Variants in DRAM1 observed in about 807,000 individuals in gnomAD.
DRAM1 encodes the protein DNA damage regulated autophagy modulator 1.
A neutral mutation model predicts 28.5 loss-of-function variants in DRAM1; 25 were observed. The observed-to-expected ratio is 0.88, with a 90% CI of 0.64 to 1.23. The LOEUF (loss-of-function observed/expected upper bound fraction) is 1.23. DRAM1 is among the 50% of genes most tolerant of loss of function. The pLI, the probability that DRAM1 is intolerant of heterozygous loss-of-function variation, is 0.00. For missense variants in DRAM1, 249 were observed against 299.2 expected (o/e 0.83, Z 1.24); for synonymous variants, 113 against 114.2 (o/e 0.99, Z 0.07).
intron 4 of DRAM1, among the ~76,000 whole-genome samples, chr12:101,912,835 C>T (rs962461825): frequency 6.6e-6 from 1 of 150,722 alleles, no homozygotes; most frequent in Non-Finnish European, 1.5e-5. Flanking sequence ...TCAAGCGATT[C>T]TCCTGCTTCA....
chr12:101,914,234 T>C lies in DRAM1; in HGVS notation c.579+2T>C. The stretch of plus-strand genomic sequence containing the variant: ...CTGGAGTGGAATCCAAGAGAAAAGG[T>C]AACATTTAAGTTGTTGTGAATGTGG... On this transcript the variant is annotated splice_donor_variant, in intron 5 of 6. Coordinates refer to ENST00000258534, the MANE Select transcript of DRAM1 (RefSeq NM_018370.3). LOFTEE classifies it high-confidence loss of function. 6.2e-7 allele frequency: 1 copy of C among 1,606,812 alleles called. No individual in the cohort carries two copies. The highest frequency in any genetic ancestry group is 8.5e-7 in the Non-Finnish European group (1 of 1,177,206).
intron 1 of DRAM1, among the ~76,000 whole-genome samples, chr12:101,894,780 C>G (rs938680283): frequency 7.9e-5 from 12 of 152,170 alleles, no homozygotes; most frequent in Non-Finnish European, 2.9e-5. Context: ...ATATCCTCCT[C>G]ATTCTTTCAT....
chr12:101,886,422 C>T (rs1441336665), intron 1 of DRAM1, among the ~76,000 whole-genome samples: 1 of 152,164 alleles, frequency 6.6e-6, no homozygotes, highest in Non-Finnish European at 1.5e-5. Flanking sequence ...GGTGGAGGAA[C>T]ATAGTATGTA....
chr12:101,899,398 G>C lies in DRAM1; in HGVS notation c.199+1468G>C, dbSNP rs373803986. ...AAATAGTCTATGTGAGCTCATGCCTGTAATTCTAGCATTTTGGGAGGCTGA... is the reference window on the plus strand; with the variant it reads ...AAATAGTCTATGTGAGCTCATGCCTCTAATTCTAGCATTTTGGGAGGCTGA... On this transcript the variant is annotated intron_variant, in intron 2 of 6. Coordinates refer to ENST00000258534, the MANE Select transcript of DRAM1 (RefSeq NM_018370.3). 1.3e-3 allele frequency among the ~76,000 whole-genome samples: 193 copies of C among 152,294 alleles called. 2 individuals are homozygous for C. In the South Asian group the frequency reaches 0.039, roughly 31 times the overall value.
chr12:101,908,081 C>A (rs1873890455), intron 3 of DRAM1, 105 bp from the exon 4 acceptor site: 4 of 899,188 alleles, frequency 4.4e-6, no homozygotes, highest in Admixed American at 5.3e-5. Context: ...AGAAGTGGTG[C>A]ATCTGTGATG....
intron 1 of DRAM1, among the ~76,000 whole-genome samples, chr12:101,893,371 G>A (rs1399628976): frequency 3.9e-5 from 6 of 152,050 alleles, no homozygotes; most frequent in African/African-American, 9.7e-5. Flanking sequence ...GAATTTTAAC[G>A]TGTTGAGAGT....
chr12:101,880,956 C>G (rs1872666456), intron 1 of DRAM1, among the ~76,000 whole-genome samples: 1 of 152,140 alleles, frequency 6.6e-6, no homozygotes, highest in Non-Finnish European at 1.5e-5. Context: ...TACTGATTGC[C>G]CATGTGTGCC....
In DRAM1 at chr12:101,904,971, T is replaced by C. The variant is rs531922590; in HGVS notation, c.343-3215T>C. On this transcript the variant is annotated intron_variant, in intron 3 of 6. Coordinates refer to ENST00000258534, the MANE Select transcript of DRAM1 (RefSeq NM_018370.3). Reference sequence around the variant, plus strand: ...ATGCAATAGCACAATCATAGCTCACTGTAACCTTGAACGCTTAGACTAAGC... The same window carrying C: ...ATGCAATAGCACAATCATAGCTCACCGTAACCTTGAACGCTTAGACTAAGC... 1.3e-4 allele frequency among the ~76,000 whole-genome samples: 20 copies of C among 152,316 alleles called. No individual in the cohort carries two copies. In the East Asian group the frequency reaches 3.7e-3, roughly 28 times the overall value.
Position 101,884,743 on chromosome 12 carries a change from C to T in DRAM1, c.131+6823C>T, listed in dbSNP as rs1594290889. Among the ~76,000 whole-genome samples the T allele has an allele frequency of 2.6e-5, 4 of 152,168 alleles. No individual in the cohort carries two copies. In the East Asian group the frequency reaches 7.7e-4, roughly 29 times the overall value. On this transcript the variant is annotated intron_variant, in intron 1 of 6. Coordinates refer to ENST00000258534, the MANE Select transcript of DRAM1 (RefSeq NM_018370.3). Reference sequence around the variant, plus strand: ...AAAACTGGGTCACCTAGAATCAAGCCACTTTAAAAGGAGGAACAAAATTGC... The same window carrying T: ...AAAACTGGGTCACCTAGAATCAAGCTACTTTAAAAGGAGGAACAAAATTGC...
In DRAM1 at chr12:101,877,989, G is replaced by A. The variant is rs771872930; in HGVS notation, c.131+69G>A. 2.2e-4 allele frequency: 305 copies of A among 1,365,310 alleles called. No homozygotes were observed. The highest frequency in any genetic ancestry group is 2.7e-4 in the Non-Finnish European group (285 of 1,044,494). 84.6% of individuals were successfully genotyped at this position (1,365,310 alleles called of 1,614,324 possible). A position where few individuals can be genotyped will look rare whatever the true frequency, so the allele number is the denominator to read the frequency against. On this transcript the variant is annotated intron_variant, in intron 1 of 6. Coordinates refer to ENST00000258534, the MANE Select transcript of DRAM1 (RefSeq NM_018370.3). The surrounding 1 kb of genome is among the most constrained non-coding windows in gnomAD (Gnocchi z 4.1). The stretch of plus-strand genomic sequence containing the variant: ...GGACCACAGGGAGCGCTGCCGACGG[G>A]GAGGGAAGGCGTCCGGACCCAGCTT...
chr12:101,907,560 G>A (rs1237655332), intron 3 of DRAM1, among the ~76,000 whole-genome samples: 4 of 151,850 alleles, frequency 2.6e-5, no homozygotes, highest in African/African-American at 7.3e-5. Context: ...CCAACATGGC[G>A]AAACCCCGTC....
intron 3 of DRAM1, among the ~76,000 whole-genome samples, chr12:101,904,417 A>G (rs1594304511): frequency 3.6e-5 from 3 of 83,498 alleles, no homozygotes; most frequent in Admixed American, 1.3e-4. Context: ...TGAGTGATAG[A>G]GCTTTAGGGG....
At chr12:101,911,849 G>A (rs988611954) in intron 4 of DRAM1, among the ~76,000 whole-genome samples, 2 of 152,050 alleles carry the variant, frequency 1.3e-5, no homozygotes, top group Admixed American at 1.3e-4. Flanking sequence ...GATATGTTTT[G>A]CATATTATGT....
intron 2 of DRAM1, among the ~76,000 whole-genome samples, chr12:101,900,267 G>A (rs1873549560): frequency 6.6e-6 from 1 of 152,062 alleles, no homozygotes; most frequent in South Asian, 2.1e-4. Context: ...GCAAAACTAT[G>A]CAATAATTAA....
At chr12:101,895,566 ATTTTTTTTTTTTT>A (rs553634247) in intron 1 of DRAM1, among the ~76,000 whole-genome samples, 1 of 103,422 alleles carries the variant, frequency 9.7e-6, no homozygotes, top group African/African-American at 4.0e-5. Flanking sequence ...AAGGGAGGCT[ATTTTTTTTTTTTT>A]TTTTTTTTTG....
intron 1 of DRAM1, among the ~76,000 whole-genome samples, chr12:101,888,122 A>G (rs1430492354): frequency 2.0e-5 from 3 of 152,008 alleles, no homozygotes; most frequent in Admixed American, 6.6e-5. Context: ...TTTAGCTAGA[A>G]AAGTATTATT....
chr12:101,898,069 G>C, intron 2 of DRAM1, 139 bp downstream of exon 2: 1 of 518,956 alleles, frequency 1.9e-6, no homozygotes, highest in South Asian at 2.9e-5. Flanking sequence ...CATCCAGGCT[G>C]GAGTGCAGTG....
chr12:101,904,009 CAG>C (rs1302061142), intron 3 of DRAM1, among the ~76,000 whole-genome samples: 4 of 151,916 alleles, frequency 2.6e-5, no homozygotes, highest in Non-Finnish European at 4.4e-5. Context: ...TTTTTTGAGA[CAG>C]AGTCTCTCTC....
chr12:101,895,429 C>T (rs1050151574), intron 1 of DRAM1, among the ~76,000 whole-genome samples: 6 of 150,744 alleles, frequency 4.0e-5, no homozygotes, highest in African/African-American at 7.3e-5. Flanking sequence ...CTTCCCGCCT[C>T]GGCCCACAGA....
Sources: allele counts gnomAD v4.1 joint callset (sites outside exome capture counted in the v4.1 genomes callset), GRCh38; gene constraint gnomAD v4.1.1; non-coding constraint Gnocchi (gnomAD v3.1); transcripts MANE v1.5; gene names NCBI Gene and HGNC (gene_info 2026-07-23, HGNC 2026-07-21).